Variants in RETREG1 observed in about 807,000 individuals in gnomAD.
RETREG1 encodes the protein family with sequence similarity 134 member B.
RETREG1 carries 44 observed loss-of-function variants against 54.8 expected under a neutral mutation model. That is an observed-to-expected ratio of 0.80 (90% confidence interval 0.63 to 1.03). RETREG1 has a LOEUF of 1.03. Among genes scored for constraint, RETREG1 ranks in the 50% least tolerant of loss-of-function variants. The pLI, the probability that RETREG1 is intolerant of heterozygous loss-of-function variation, is 0.00. For missense variants in RETREG1, 554 were observed against 605.1 expected, an observed-to-expected ratio of 0.92 and a Z score of 0.89; for synonymous variants, 217 against 238.5, an observed-to-expected ratio of 0.91 and a Z score of 0.83.
chr5:16,551,813 T>A (rs1741550665), intron 3 of RETREG1, among the ~76,000 whole-genome samples: 1 of 152,216 alleles, frequency 6.6e-6, no homozygotes, highest in Non-Finnish European at 1.5e-5. Context: ...CAGACTCTAA[T>A]CTGGGTCAGC....
chr5:16,485,379 G>A (rs1271415787), intron 3 of RETREG1, among the ~76,000 whole-genome samples: 1 of 152,118 alleles, frequency 6.6e-6, no homozygotes, highest in East Asian at 1.9e-4. Context: ...TGGAATAAAT[G>A]AACAGTTCAT....
chr5:16,474,442 G>T lies in RETREG1; in HGVS notation c.*299C>A, dbSNP rs1037089604. 1.3e-5 allele frequency: 4 copies of T among 305,394 alleles called. No homozygotes were observed. The highest frequency in any genetic ancestry group is 2.4e-5 in the Non-Finnish European group (4 of 164,842). The allele number at this position is 305,394 out of a possible 1,614,324, so 18.9% of individuals were successfully genotyped here. On this transcript the variant is annotated 3_prime_UTR_variant, in exon 9 of 9. Coordinates refer to ENST00000306320, the MANE Select transcript of RETREG1 (RefSeq NM_001034850.3). ...ATTTATAGGAGGATTTTAATAGTTT[G>T]GTTTTTGTTTTTTTCTTTTTGCTTT...
chr5:16,574,783 G>A (rs141665514), intron 1 of RETREG1, among the ~76,000 whole-genome samples: 124 of 152,314 alleles, frequency 8.1e-4, no homozygotes, highest in African/African-American at 2.5e-3. Context: ...ATTGCACCAA[G>A]CACTGTGCTA....
In RETREG1 at chr5:16,490,432, G is replaced by A. The variant is rs1168491174; in HGVS notation, c.459-6960C>T. Among the ~76,000 whole-genome samples the A allele has an allele frequency of 2.0e-5, 3 of 152,166 alleles. No homozygotes were observed. The East Asian group carries it at 5.8e-4, about 29-fold the overall frequency. On this transcript the variant is annotated intron_variant, in intron 3 of 8. Coordinates refer to ENST00000306320, the MANE Select transcript of RETREG1 (RefSeq NM_001034850.3). ...GCAATTTGTAGTAGAAAGGAAAGAT[G>A]CAATTAGGTTATATAATAAATCAAG...
At chr5:16,492,159 C>A (rs1579600307) in intron 3 of RETREG1, among the ~76,000 whole-genome samples, 2 of 151,758 alleles carry the variant, frequency 1.3e-5, no homozygotes, top group Admixed American at 1.3e-4. Flanking sequence ...TTTTGTAGGG[C>A]AACTGCACCC....
chr5:16,552,284 C>A (rs772722505), intron 3 of RETREG1, among the ~76,000 whole-genome samples: 13 of 152,196 alleles, frequency 8.5e-5, no homozygotes, highest in Non-Finnish European at 1.6e-4. Flanking sequence ...ACTAATACCC[C>A]CTCTTTCCAC....
At chr5:16,544,921 A>C (rs1018688798) in intron 3 of RETREG1, among the ~76,000 whole-genome samples, 2 of 152,232 alleles carry the variant, frequency 1.3e-5, no homozygotes, top group Non-Finnish European at 2.9e-5. Flanking sequence ...TTATCTCCTA[A>C]GGTTTTACTC....
At chr5:16,526,175 TGTGG>T (rs1366428519) in intron 3 of RETREG1, among the ~76,000 whole-genome samples, 1 of 152,250 alleles carries the variant, frequency 6.6e-6, no homozygotes, top group East Asian at 1.9e-4. Flanking sequence ...GGGCCATTGC[TGTGG>T]GTATCAAATG....
chr5:16,480,943 G>T, intron 5 of RETREG1, 66 bp downstream of exon 5: 2 of 1,055,954 alleles, frequency 1.9e-6, no homozygotes, highest in Non-Finnish European at 3.0e-6. Context: ...CAAACTACAG[G>T]TCTGTTGACC....
intron 3 of RETREG1, among the ~76,000 whole-genome samples, chr5:16,556,776 A>G (rs577372471): frequency 6.6e-6 from 1 of 152,296 alleles, no homozygotes; most frequent in South Asian, 2.1e-4. Context: ...TACGGGTCTG[A>G]AAAACGTATC....
chr5:16,514,617 T>C (rs901939754), intron 3 of RETREG1, among the ~76,000 whole-genome samples: 4 of 152,200 alleles, frequency 2.6e-5, no homozygotes, highest in Admixed American at 2.0e-4. Flanking sequence ...TTCTGAGATT[T>C]TGGGATACCC....
At chr5:16,505,447 C>T (rs1268036142) in intron 3 of RETREG1, among the ~76,000 whole-genome samples, 1 of 152,146 alleles carries the variant, frequency 6.6e-6, no homozygotes, top group Non-Finnish European at 1.5e-5. Flanking sequence ...GGGCTGTGTG[C>T]TCCGTGACAG....
At chr5:16,566,408 T>A (rs1406454370) in intron 2 of RETREG1, among the ~76,000 whole-genome samples, 1 of 152,086 alleles carries the variant, frequency 6.6e-6, no homozygotes, top group Non-Finnish European at 1.5e-5. Flanking sequence ...CACACCTAGA[T>A]CTAATTTGCT....
At chr5:16,595,406 T>C (rs1742874158) in intron 1 of RETREG1, among the ~76,000 whole-genome samples, 1 of 152,196 alleles carries the variant, frequency 6.6e-6, no homozygotes, top group African/African-American at 2.4e-5. Flanking sequence ...AGTCACTGAG[T>C]TGTGTTATGA....
chr5:16,505,951 G>T (rs1333411172), intron 3 of RETREG1, among the ~76,000 whole-genome samples: 4 of 152,190 alleles, frequency 2.6e-5, no homozygotes, highest in African/African-American at 9.7e-5. Context: ...CTTGGAAAAG[G>T]GCATGGAGTC....
At chr5:16,535,646 T>C (rs1415719687) in intron 3 of RETREG1, among the ~76,000 whole-genome samples, 19 of 134,656 alleles carry the variant, frequency 1.4e-4, no homozygotes, top group South Asian at 7.8e-4. Flanking sequence ...GGGGTTCCTG[T>C]GTGCACGCTG....
At chr5:16,497,779 C>G (rs72744170) in intron 3 of RETREG1, among the ~76,000 whole-genome samples, 2 of 152,160 alleles carry the variant, frequency 1.3e-5, no homozygotes, top group Admixed American at 1.3e-4. Context: ...CCCAACAAGG[C>G]CTCATGATCC....
Position 16,474,662 on chromosome 5 carries a change from T to C in RETREG1, c.*79A>G. ...ATTAAAGCTTACAGTTCAATTTTTT[T>C]CTTTTCCTTTTTTTTTTTTTTTTCT... is the stretch of plus-strand genomic sequence containing the variant. On this transcript the variant is annotated 3_prime_UTR_variant, in exon 9 of 9. Coordinates refer to ENST00000306320, the MANE Select transcript of RETREG1 (RefSeq NM_001034850.3). The C allele has an allele frequency of 6.7e-7, 1 of 1,491,358 alleles. No individual in the cohort carries two copies. The highest frequency in any genetic ancestry group is 9.1e-7 in the Non-Finnish European group (1 of 1,104,524). 92.4% of individuals were successfully genotyped at this position (1,491,358 alleles called of 1,614,324 possible).
intron 3 of RETREG1, among the ~76,000 whole-genome samples, chr5:16,531,188 TA>T (rs1472837141): frequency 6.6e-6 from 1 of 152,188 alleles, no homozygotes; most frequent in African/African-American, 2.4e-5. Flanking sequence ...TTAAAGAAAG[TA>T]TTCTTATCCT....
Sources: gnomAD v4.1 joint callset for allele counts (sites outside exome capture counted in the v4.1 genomes callset) on GRCh38, gnomAD v4.1.1 for gene constraint, MANE v1.5 for transcripts, NCBI Gene and HGNC (gene_info 2026-07-23, HGNC 2026-07-21) for gene names.